The following FHAD1 variants were observed in gnomAD, a reference collection of about 807,000 sequenced individuals.
FHAD1 encodes forkhead associated phosphopeptide binding domain 1.
In FHAD1, 146 loss-of-function variants were observed where a neutral mutation model predicts 191.3. The ratio of observed to expected loss-of-function variants is 0.76; its 90% CI spans 0.67 to 0.88. FHAD1 has a LOEUF of 0.88. Among genes scored for constraint, FHAD1 ranks in the 40% least tolerant of loss-of-function variants. FHAD1 has a pLI of 0.00. For synonymous variants in FHAD1, 616 were observed against 672.3 expected (o/e 0.92, Z 1.29); for missense variants, 1,635 against 1,785.8 (o/e 0.92, Z 1.52).
At chr1:15,333,972 A>G (rs1682876844) in intron 14 of FHAD1, among the ~76,000 whole-genome samples, 1 of 151,596 alleles carries the variant, frequency 6.6e-6, no homozygotes, top group African/African-American at 2.4e-5. Flanking sequence ...AGCTGGGACT[A>G]CAGGCGTGTG....
intron 8 of FHAD1, among the ~76,000 whole-genome samples, chr1:15,315,726 TC>T (rs1444543092): frequency 6.6e-6 from 1 of 152,034 alleles, no homozygotes; most frequent in African/African-American, 2.4e-5. Flanking sequence ...GACCTCATGA[TC>T]TGCCCACCTC....
chr1:15,273,687 T>C (rs552218756), intron 3 of FHAD1, among the ~76,000 whole-genome samples: 3 of 152,336 alleles, frequency 2.0e-5, no homozygotes, highest in Admixed American at 6.5e-5. Flanking sequence ...ACTTGACTTT[T>C]TGTGTTGGTT....
At position 15,392,400 on chromosome 1, in the gene FHAD1, C is replaced by T. The variant is rs1018694400; in HGVS notation, c.4323+1137C>T. On this transcript the variant is annotated intron_variant, in intron 33 of 33. Coordinates refer to ENST00000688493, the MANE Select transcript of FHAD1 (RefSeq NM_001391957.1). Reference sequence around the variant, plus strand: ...ACAAAAAATTAGCTGGGCATGGTGGCGGGCGCCTGTAGTCCCAGCTACTCG... The same window carrying T: ...ACAAAAAATTAGCTGGGCATGGTGGTGGGCGCCTGTAGTCCCAGCTACTCG... Among the ~76,000 whole-genome samples the T allele has an allele frequency of 2.4e-4, 37 of 152,182 alleles. No homozygotes were observed. The South Asian group carries it at 3.1e-3, about 13-fold the overall frequency.
Position 15,397,706 on chromosome 1 carries a change from C to A in FHAD1, c.*293C>A. On this transcript the variant is annotated 3_prime_UTR_variant, in exon 34 of 34. Transcript: ENST00000688493. ...TATAATTATGTGGTCCACGTTGGGT[C>A]ATGATGTTCCCAAATATCAAACCTC... 5.1e-6 allele frequency: 1 copy of A among 197,780 alleles called. No homozygotes were observed. The highest frequency in any genetic ancestry group is 1.0e-5 in the Non-Finnish European group (1 of 98,238). 12.3% of individuals were successfully genotyped at this position (197,780 alleles called of 1,614,324 possible). A position where few individuals can be genotyped will look rare whatever the true frequency, so the allele number is the denominator to read the frequency against.
chr1:15,387,679 G>A lies in FHAD1; in HGVS notation c.4189-372G>A, dbSNP rs571124311. Among the ~76,000 whole-genome samples, 38 of 152,188 alleles carry A rather than the reference G, an allele frequency of 2.5e-4. 1 individual carries two copies. Among genetic ancestry groups the A allele is most frequent in the South Asian group, 1.0e-3 (5 of 4,824 alleles). On this transcript the variant is annotated intron_variant, in intron 31 of 33. Coordinates refer to ENST00000688493, the MANE Select transcript of FHAD1 (RefSeq NM_001391957.1). ...GTAGGAGGATGGCTTGAGCCCATGA[G>A]TTGGTGACCAGCCTGGCAATATGGC...
rs1697394511 is a variant in FHAD1 at position 15,369,177 on chromosome 1, G to A, written c.3315-193G>A. On this transcript the variant is annotated intron_variant, in intron 25 of 33. Coordinates refer to ENST00000688493, the MANE Select transcript of FHAD1 (RefSeq NM_001391957.1). ...GCCCCCGTGCAGGAACCAAGGGCAG[G>A]TGTTCCCTGCCCTGGCCACTCTCCC... Among the ~76,000 whole-genome samples the A allele has an allele frequency of 2.0e-5, 3 of 152,296 alleles. 1 individual carries two copies. In the South Asian group the frequency reaches 6.2e-4, roughly 32 times the overall value.
intron 2 of FHAD1, among the ~76,000 whole-genome samples, chr1:15,255,789 G>A (rs1181412400): frequency 6.6e-6 from 1 of 152,252 alleles, no homozygotes; most frequent in East Asian, 1.9e-4. Context: ...CATATGGAGA[G>A]CCTGATGGAC....
intron 14 of FHAD1, among the ~76,000 whole-genome samples, chr1:15,333,243 C>T (rs577321243): frequency 1.2e-3 from 179 of 152,218 alleles, no homozygotes; most frequent in African/African-American, 4.1e-3. Flanking sequence ...GGTAAGCTAG[C>T]GTATGCCCCA....
At chr1:15,263,488 A>C (rs1651982301) in intron 2 of FHAD1, among the ~76,000 whole-genome samples, 1 of 145,024 alleles carries the variant, frequency 6.9e-6, no homozygotes, top group Non-Finnish European at 1.5e-5. Flanking sequence ...TTTATGGTGT[A>C]AGTTAAGGGT....
chr1:15,258,247 C>T (rs1341349090), intron 2 of FHAD1, among the ~76,000 whole-genome samples: 1 of 152,058 alleles, frequency 6.6e-6, no homozygotes, highest in Non-Finnish European at 1.5e-5. Context: ...CCCTCCCAGC[C>T]CCCCAGTCCC....
At chr1:15,360,257 G>A (rs529780814) in intron 21 of FHAD1, among the ~76,000 whole-genome samples, 14 of 152,246 alleles carry the variant, frequency 9.2e-5, no homozygotes, top group African/African-American at 2.2e-4. Flanking sequence ...GTCAGGGAGG[G>A]CCTCTCAGAG....
rs540239732 is a variant in FHAD1 at position 15,291,956 on chromosome 1, C to T, written c.568+2290C>T. Among the ~76,000 whole-genome samples, 7 of 152,322 alleles carry T rather than the reference C, an allele frequency of 4.6e-5. No homozygotes were observed. In the South Asian group the frequency reaches 8.3e-4, roughly 18 times the overall value. ...GTCCTAGAGAGAAAAGCAGCAGCCA[C>T]ATGTCTCTTAAGATCCAGCCTCAGG... On this transcript the variant is annotated intron_variant, in intron 4 of 33. Coordinates refer to ENST00000688493, the MANE Select transcript of FHAD1 (RefSeq NM_001391957.1).
At chr1:15,355,735 G>T (rs937516134) in intron 20 of FHAD1, among the ~76,000 whole-genome samples, 1 of 152,170 alleles carries the variant, frequency 6.6e-6, no homozygotes, top group African/African-American at 2.4e-5. Context: ...GTCCTCCGTG[G>T]AATATCCCAA....
downstream of FHAD1, chr1:15,399,884 C>T (rs1319144973): frequency 6.6e-6 from 1 of 152,226 alleles, no homozygotes; most frequent in Non-Finnish European, 1.5e-5. Context: ...TTAGTCATTG[C>T]TCAGCCATCA....
In FHAD1 at chr1:15,321,058, C is replaced by T. The variant is rs556981315; in HGVS notation, c.1365+3130C>T. Reference sequence around the variant, plus strand: ...CAAGCAATTGTCCTGCCTCAGCCTCCTGAGTAGCTGGGACTACAGGTGTAC... The same window carrying T: ...CAAGCAATTGTCCTGCCTCAGCCTCTTGAGTAGCTGGGACTACAGGTGTAC... On this transcript the variant is annotated intron_variant, in intron 10 of 33. Coordinates refer to ENST00000688493, the MANE Select transcript of FHAD1 (RefSeq NM_001391957.1). Among the ~76,000 whole-genome samples, 10 of 152,328 alleles carry T rather than the reference C, an allele frequency of 6.6e-5. No individual in the cohort carries two copies. In the East Asian group the frequency reaches 1.9e-3, roughly 29 times the overall value.
At chr1:15,266,603 G>T (rs977928241) in intron 2 of FHAD1, among the ~76,000 whole-genome samples, 2 of 152,000 alleles carry the variant, frequency 1.3e-5, no homozygotes, top group Non-Finnish European at 2.9e-5. Flanking sequence ...ATTAACTCAA[G>T]CCCAGAGTTT....
In FHAD1 at chr1:15,349,145, A is replaced by G. The variant is rs1170272914; in HGVS notation, c.2450A>G (p.Lys817Arg). Residue 817 changes from lysine to arginine, a missense_variant, in exon 19 of 34, where the codon AAG becomes AGG. Lys to Arg is a conservative substitution (Grantham distance 26). Coordinates refer to ENST00000688493, the MANE Select transcript of FHAD1 (RefSeq NM_001391957.1). ...QDLENHLTQQ[K>R]EISESNIAYE... Reference sequence around the variant, plus strand: ...CTGGAGAACCATTTAACCCAACAGAAGGAGGTATGAGCAGCAGCAGGAAAG... The same window carrying G: ...CTGGAGAACCATTTAACCCAACAGAGGGAGGTATGAGCAGCAGCAGGAAAG... 1 of 1,547,506 alleles carries G rather than the reference A, an allele frequency of 6.5e-7. No homozygotes were observed. The highest frequency in any genetic ancestry group is 2.4e-5 in the East Asian group (1 of 40,904).
chr1:15,259,862 A>G (rs1323358452), intron 2 of FHAD1, among the ~76,000 whole-genome samples: 2 of 152,188 alleles, frequency 1.3e-5, no homozygotes, highest in Non-Finnish European at 2.9e-5. Context: ...CAGGTATGAC[A>G]GGCCAGAAAG....
intron 2 of FHAD1, among the ~76,000 whole-genome samples, chr1:15,271,228 C>T (rs1655838460): frequency 6.6e-6 from 1 of 151,404 alleles, no homozygotes; most frequent in Non-Finnish European, 1.5e-5. Context: ...CAGAAGAATT[C>T]CTTGAACCCA....
Sources: allele counts gnomAD v4.1 joint callset (sites outside exome capture counted in the v4.1 genomes callset), GRCh38; gene constraint gnomAD v4.1.1; transcripts MANE v1.5; gene names NCBI Gene and HGNC (gene_info 2026-07-23, HGNC 2026-07-21).